The following CLDN20 variants were observed in gnomAD, a reference collection of about 807,000 sequenced individuals.
CLDN20 encodes the protein claudin 20.
For missense variants in CLDN20, 258 were observed against 267.9 expected (o/e 0.96, Z 0.26); for synonymous variants, 104 against 103.6 (o/e 1.00, Z -0.03).
intron 1 of CLDN20, among the ~76,000 whole-genome samples, chr6:155,268,267 C>T (rs548785676): frequency 1.3e-5 from 2 of 152,040 alleles, no homozygotes; most frequent in Non-Finnish European, 2.9e-5. Flanking sequence ...AATTCCACCA[C>T]AAAAAAACAC....
Position 155,276,217 on chromosome 6 carries a change from C to G in CLDN20, c.498C>G (p.Ile166Met). Reference sequence around the variant, plus strand: ...ATGAACCTGGAGGAGCTATCTATATCGGATTCATTTCTGCAATGCTGTTGT... The same window carrying G: ...ATGAACCTGGAGGAGCTATCTATATGGGATTCATTTCTGCAATGCTGTTGT... ...NKHEPGGAIY[I>M]GFISAMLLFI... Residue 166 changes from isoleucine to methionine, a missense_variant, in exon 2 of 2, where the codon ATC becomes ATG. By Grantham distance (10) the Ile-to-Met change is conservative. Coordinates refer to ENST00000367165, the MANE Select transcript of CLDN20 (RefSeq NM_001001346.3). 1.2e-6 allele frequency: 2 copies of G among 1,614,096 alleles called. No individual in the cohort carries two copies. The highest frequency in any genetic ancestry group is 1.7e-6 in the Non-Finnish European group (2 of 1,180,016).
At chr6:155,264,836 G>A (rs1373200909) in intron 1 of CLDN20, among the ~76,000 whole-genome samples, 2 of 152,114 alleles carry the variant, frequency 1.3e-5, no homozygotes, top group Non-Finnish European at 2.9e-5. Flanking sequence ...ATGTACATAT[G>A]TATGTATGTA....
chr6:155,274,564 G>T (rs9397799), intron 1 of CLDN20, among the ~76,000 whole-genome samples: 19,531 of 152,302 alleles, frequency 0.13, 1,543 homozygotes, highest in Non-Finnish European at 0.19. Flanking sequence ...GCCAGGAAAT[G>T]ATTCTGGTCC....
intron 1 of CLDN20, among the ~76,000 whole-genome samples, chr6:155,270,762 C>T (rs1192227409): frequency 2.0e-5 from 3 of 152,172 alleles, no homozygotes; most frequent in Non-Finnish European, 4.4e-5. Context: ...ACAACCATGG[C>T]GACCAGCGAA....
chr6:155,266,833 C>T (rs1176634342), intron 1 of CLDN20, among the ~76,000 whole-genome samples: 5 of 101,828 alleles, frequency 4.9e-5, no homozygotes, highest in Non-Finnish European at 7.0e-5. Flanking sequence ...GGCGACAGAG[C>T]GAGACTCCGT....
At chr6:155,275,565 T>C in intron 1 of CLDN20, 51 bp from the exon 2 acceptor site, 1 of 726,800 alleles carries the variant, frequency 1.4e-6, no homozygotes, top group Non-Finnish European at 2.3e-6. Flanking sequence ...GGGAAGCCTT[T>C]TGTTTACTTA....
At chr6:155,266,752 C>T (rs1784651765) in intron 1 of CLDN20, among the ~76,000 whole-genome samples, 1 of 143,694 alleles carries the variant, frequency 7.0e-6, no homozygotes, top group African/African-American at 2.6e-5. Context: ...GAGGCTGAGG[C>T]AGGAGAATGG....
At chr6:155,275,095 G>C (rs577750277) in intron 1 of CLDN20, among the ~76,000 whole-genome samples, 1 of 151,780 alleles carries the variant, frequency 6.6e-6, no homozygotes, top group African/African-American at 2.4e-5. Flanking sequence ...GCATGGTGGC[G>C]GGCGCCTGTA....
intron 1 of CLDN20, among the ~76,000 whole-genome samples, chr6:155,274,185 T>C (rs1017822885): frequency 6.6e-6 from 1 of 152,142 alleles, no homozygotes; most frequent in Non-Finnish European, 1.5e-5. Flanking sequence ...AAAATACATA[T>C]GAATCACGAC....
intron 1 of CLDN20, among the ~76,000 whole-genome samples, chr6:155,272,079 T>C (rs1486814533): frequency 6.6e-6 from 1 of 152,218 alleles, no homozygotes; most frequent in African/African-American, 2.4e-5. Context: ...TTTATAAACA[T>C]ATCCAGAATT....
intron 1 of CLDN20, among the ~76,000 whole-genome samples, chr6:155,269,949 A>G (rs554778131): frequency 6.6e-6 from 1 of 152,378 alleles, no homozygotes; most frequent in South Asian, 2.1e-4. Context: ...TCAGTGATGA[A>G]CGAAACAGAG....
chr6:155,271,883 G>C (rs1451137236), intron 1 of CLDN20, among the ~76,000 whole-genome samples: 1 of 152,064 alleles, frequency 6.6e-6, no homozygotes, highest in Non-Finnish European at 1.5e-5. Flanking sequence ...TTAGCTTTCA[G>C]GTTTCAACAA....
chr6:155,266,529 C>T (rs1298779666), intron 1 of CLDN20, among the ~76,000 whole-genome samples: 1 of 152,150 alleles, frequency 6.6e-6, no homozygotes, highest in Admixed American at 6.5e-5. Flanking sequence ...ATACAAACTT[C>T]CCCAGTCTCG....
intron 1 of CLDN20, among the ~76,000 whole-genome samples, chr6:155,272,224 C>T (rs1784950435): frequency 6.6e-6 from 1 of 152,116 alleles, no homozygotes. Flanking sequence ...TGTCTTAATG[C>T]TTAGAGATCT....
chr6:155,266,063 C>A (rs2019152), intron 1 of CLDN20, among the ~76,000 whole-genome samples: 79,003 of 151,738 alleles, frequency 0.52, 21,539 homozygotes, highest in East Asian at 0.98. Context: ...GAGGGCGGGT[C>A]TACCTTCCCC....
At chr6:155,273,033 A>C (rs1785008890) in intron 1 of CLDN20, among the ~76,000 whole-genome samples, 1 of 152,252 alleles carries the variant, frequency 6.6e-6, no homozygotes, top group Non-Finnish European at 1.5e-5. Flanking sequence ...AAAATGTTCC[A>C]GCAACCCCAC....
chr6:155,268,267 C>A (rs548785676), intron 1 of CLDN20, among the ~76,000 whole-genome samples: 70 of 152,158 alleles, frequency 4.6e-4, no homozygotes, highest in Non-Finnish European at 8.5e-4. Flanking sequence ...AATTCCACCA[C>A]AAAAAAACAC....
intron 1 of CLDN20, among the ~76,000 whole-genome samples, chr6:155,271,023 G>A (rs1784892380): frequency 6.6e-6 from 1 of 152,162 alleles, no homozygotes; most frequent in African/African-American, 2.4e-5. Context: ...ACAGATGTTA[G>A]ACTTAGAAAA....
chr6:155,269,385 G>A (rs1183683318), intron 1 of CLDN20, among the ~76,000 whole-genome samples: 1 of 139,246 alleles, frequency 7.2e-6, no homozygotes, highest in African/African-American at 2.7e-5. Flanking sequence ...GCTATGACAC[G>A]ATCTTGGCTC....
Sources: gnomAD v4.1 joint callset for allele counts (sites outside exome capture counted in the v4.1 genomes callset) on GRCh38, gnomAD v4.1.1 for gene constraint, MANE v1.5 for transcripts, NCBI Gene and HGNC (gene_info 2026-07-23, HGNC 2026-07-21) for gene names.